Variants in ACSS1 observed in about 807,000 individuals in gnomAD.
The protein encoded by ACSS1 is acetyl-coenzyme A synthetase 2-like, mitochondrial.
In ACSS1, 42 loss-of-function variants were observed where a neutral mutation model predicts 75.3. That is an observed-to-expected ratio of 0.56 (90% CI 0.44 to 0.72). The LOEUF (loss-of-function observed/expected upper bound fraction) is 0.72, where lower values mean the gene tolerates loss of function less well. Among genes scored for constraint, ACSS1 ranks in the 30% least tolerant of loss-of-function variants. The pLI is 0.00. For missense variants in ACSS1, 782 were observed against 935.7 expected, an observed-to-expected ratio of 0.84 and a Z score of 2.14; for synonymous variants, 380 against 376.8, an observed-to-expected ratio of 1.01 and a Z score of -0.10.
intron 2 of ACSS1, among the ~76,000 whole-genome samples, chr20:25,042,554 A>G (rs908846972): frequency 2.0e-5 from 3 of 152,026 alleles, no homozygotes; most frequent in African/African-American, 7.2e-5. Context: ...CCCGTGAGTT[A>G]GGATCCTCCC....
chr20:25,048,184 G>A lies in ACSS1; in HGVS notation c.335-3C>T. ...AACATGCTGGTCCAAGCAGTTGACT[G>A]TACAAAAAGAGGGTTTGCGGATGTT... On this transcript the variant is annotated splice_polypyrimidine_tract_variant and splice_region_variant and intron_variant, in intron 1 of 13. Transcript: ENST00000323482. 6.2e-7 allele frequency: 1 copy of A among 1,612,088 alleles called. No homozygotes were observed. The highest frequency in any genetic ancestry group is 8.5e-7 in the Non-Finnish European group (1 of 1,179,688).
chr20:25,038,966 T>G (rs1568844637), intron 2 of ACSS1, among the ~76,000 whole-genome samples: 5 of 151,888 alleles, frequency 3.3e-5, no homozygotes, highest in Admixed American at 2.6e-4. Flanking sequence ...GCCTCCTACC[T>G]CCTCTGCATC....
chr20:25,018,304 C>A (rs1295964127), intron 7 of ACSS1, among the ~76,000 whole-genome samples: 1 of 152,230 alleles, frequency 6.6e-6, no homozygotes, highest in Non-Finnish European at 1.5e-5. Flanking sequence ...GATGCCAACA[C>A]CTTGATGTGG....
intron 3 of ACSS1, among the ~76,000 whole-genome samples, chr20:25,029,664 A>G (rs1333202486): frequency 6.6e-6 from 1 of 152,228 alleles, no homozygotes; most frequent in Non-Finnish European, 1.5e-5. Flanking sequence ...ATACCGATAC[A>G]TGCCACAACA....
At chr20:25,036,570 G>A (rs1254214178) in intron 2 of ACSS1, among the ~76,000 whole-genome samples, 6 of 152,154 alleles carry the variant, frequency 3.9e-5, no homozygotes, top group South Asian at 2.1e-4. Context: ...GTTTTGTCAC[G>A]GTTAATATTG....
chr20:25,036,856 A>G (rs7273518), intron 2 of ACSS1, among the ~76,000 whole-genome samples: 42,040 of 151,350 alleles, frequency 0.28, 6,151 homozygotes, highest in Middle Eastern at 0.37. Flanking sequence ...TTGGGAGGCT[A>G]AGGCAGGAGA....
chr20:25,012,429 G>C, intron 12 of ACSS1, 172 bp downstream of exon 12: 1 of 771,774 alleles, frequency 1.3e-6, no homozygotes, highest in Non-Finnish European at 2.1e-6. Context: ...CCGAACACGA[G>C]TGCTATTCAG....
At chr20:25,057,451 C>G (rs914090820) in intron 1 of ACSS1, among the ~76,000 whole-genome samples, 2 of 152,238 alleles carry the variant, frequency 1.3e-5, no homozygotes, top group Non-Finnish European at 2.9e-5. Context: ...GCGCTATGCA[C>G]CCGGTAACGC....
intron 1 of ACSS1, among the ~76,000 whole-genome samples, chr20:25,053,132 C>G (rs1461252327): frequency 6.9e-6 from 1 of 145,842 alleles, no homozygotes; most frequent in Non-Finnish European, 1.5e-5. Flanking sequence ...GGCGTGATCT[C>G]AGCTCACTGC....
chr20:25,022,402 C>T lies in ACSS1; in HGVS notation c.960+538G>A, dbSNP rs141862734. Among the ~76,000 whole-genome samples, 1,478 of 152,036 alleles carry T rather than the reference C, an allele frequency of 9.7e-3. 24 individuals are homozygous for T. Among genetic ancestry groups the T allele is most frequent in the African/African-American group, 0.033 (1,384 of 41,462 alleles). On this transcript the variant is annotated intron_variant, in intron 5 of 13. Transcript: ENST00000323482. ...AAACAAAACAAAACAAAAGAAAAAA[C>T]AATATTTTAATTGGCAACAGTAAGC... is the stretch of plus-strand genomic sequence containing the variant.
intron 2 of ACSS1, among the ~76,000 whole-genome samples, chr20:25,047,477 C>T (rs2089113893): frequency 6.6e-6 from 1 of 152,178 alleles, no homozygotes; most frequent in Non-Finnish European, 1.5e-5. Flanking sequence ...ATACTGCAGC[C>T]CATACTGACA....
At chr20:25,015,699 A>G (rs894401564) in intron 7 of ACSS1, among the ~76,000 whole-genome samples, 5 of 152,262 alleles carry the variant, frequency 3.3e-5, no homozygotes, top group Admixed American at 1.3e-4. Flanking sequence ...ATTTATGGTC[A>G]TCAAAGAAAT....
intron 3 of ACSS1, among the ~76,000 whole-genome samples, chr20:25,029,476 A>G (rs190011290): frequency 6.6e-6 from 1 of 152,344 alleles, no homozygotes; most frequent in Admixed American, 6.5e-5. Context: ...TTGATAAGTT[A>G]AACATGGAAT....
chr20:25,045,231 G>C (rs552435632), intron 2 of ACSS1, among the ~76,000 whole-genome samples: 1 of 152,324 alleles, frequency 6.6e-6, no homozygotes, highest in African/African-American at 2.4e-5. Flanking sequence ...AGATTAGGGA[G>C]CTGCACAAGG....
intron 7 of ACSS1, among the ~76,000 whole-genome samples, chr20:25,015,768 A>C (rs928647538): frequency 2.6e-5 from 4 of 152,240 alleles, no homozygotes; most frequent in African/African-American, 9.6e-5. Flanking sequence ...GCCAGTAAGA[A>C]TGTGGGGAAA....
intron 2 of ACSS1, among the ~76,000 whole-genome samples, chr20:25,035,146 T>G (rs1256070962): frequency 6.6e-6 from 1 of 151,418 alleles, no homozygotes; most frequent in Non-Finnish European, 1.5e-5. Context: ...CCACCTGCCT[T>G]GGCCTCCCGA....
chr20:25,056,140 T>C (rs1255549121), intron 1 of ACSS1, among the ~76,000 whole-genome samples: 5 of 152,198 alleles, frequency 3.3e-5, no homozygotes, highest in African/African-American at 1.2e-4. Context: ...GTTCAGAAGG[T>C]CCTTGCTGTT....
chr20:25,046,900 G>T (rs779864553), intron 2 of ACSS1: 10 of 779,540 alleles, frequency 1.3e-5, no homozygotes, highest in Non-Finnish European at 2.4e-5. Context: ...GTGCTGTATA[G>T]GCTGTGAGTC....
rs150349220 is a variant in ACSS1, at chr20:25,047,869, C to A, written c.431+216G>T. ...ATGATTTTATTTATTGTCCCATCCT[C>A]ACAAGGCGCTGAGAGTGTGGCCAGG... On this transcript the variant is annotated intron_variant, in intron 2 of 13. Transcript: ENST00000323482. Among the ~76,000 whole-genome samples the A allele has an allele frequency of 6.9e-4, 105 of 152,328 alleles. 1 individual carries two copies. Among genetic ancestry groups the A allele is most frequent in the African/African-American group, 2.4e-3 (101 of 41,572 alleles).
Sources: allele counts gnomAD v4.1 joint callset (sites outside exome capture counted in the v4.1 genomes callset), GRCh38; gene constraint gnomAD v4.1.1; transcripts MANE v1.5; gene names NCBI Gene and HGNC (gene_info 2026-07-23, HGNC 2026-07-21).